Variants in SOBP observed in about 807,000 individuals in gnomAD.
The protein encoded by SOBP is sine oculis-binding protein homolog.
Under a neutral mutation model 53.6 loss-of-function variants are expected in SOBP, and 4 were observed. The observed-to-expected ratio is 0.07, with a 90% confidence interval of 0.04 to 0.17. SOBP has a LOEUF of 0.17. SOBP is among the 10% of genes least tolerant of loss of function. The probability of loss-of-function intolerance (pLI) is 1.00; values close to 1 mark genes in which losing one functional copy is unlikely to be tolerated. For missense variants in SOBP, 1,088 were observed against 1,204.7 expected (o/e 0.90, Z 1.43); for synonymous variants, 584 against 522.6 (o/e 1.12, Z -1.60).
At position 107,529,671 on chromosome 6, in the gene SOBP, GGCCATCCTT is replaced by G. The variant is rs1483318146; in HGVS notation, c.422-3787_422-3779del. The G allele has an allele frequency of 1.3e-5, 12 of 956,892 alleles. No homozygotes were observed. The South Asian group carries it at 5.3e-4, about 42-fold the overall frequency. The allele number at this position is 956,892 out of a possible 1,614,324, so 59.3% of individuals were successfully genotyped here. On this transcript the variant is annotated intron_variant, in intron 3 of 6. Coordinates refer to ENST00000317357, the MANE Select transcript of SOBP (RefSeq NM_018013.4). ...TGCCCCAAGAAGATCACTGACCAAT[GGCCATCCTT>G]ATTTTTAAAAGTCACCAGATAAGGC...
At chr6:107,622,996 CT>C (rs1770249269) in intron 5 of SOBP, among the ~76,000 whole-genome samples, 1 of 152,194 alleles carries the variant, frequency 6.6e-6, no homozygotes, top group South Asian at 2.1e-4. Context: ...GGGAATCCTA[CT>C]TTGACCACCA....
At chr6:107,640,466 G>A (rs987676171) in intron 6 of SOBP, among the ~76,000 whole-genome samples, 4 of 152,172 alleles carry the variant, frequency 2.6e-5, no homozygotes, top group African/African-American at 7.2e-5. Flanking sequence ...ATAGTTCTAG[G>A]TAGAGGTACT....
At chr6:107,593,024 C>T (rs1341317310) in intron 5 of SOBP, among the ~76,000 whole-genome samples, 1 of 152,206 alleles carries the variant, frequency 6.6e-6, no homozygotes, top group Non-Finnish European at 1.5e-5. Flanking sequence ...CTGCACATTC[C>T]TCTGTTCCCA....
intron 1 of SOBP, among the ~76,000 whole-genome samples, chr6:107,491,006 T>C (rs893260212): frequency 6.6e-6 from 1 of 151,986 alleles, no homozygotes; most frequent in African/African-American, 2.4e-5. Flanking sequence ...TCGAGCGGCG[T>C]TGGGCAGGGG....
At chr6:107,565,790 A>T (rs867658234) in intron 4 of SOBP, among the ~76,000 whole-genome samples, 14 of 152,238 alleles carry the variant, frequency 9.2e-5, no homozygotes, top group African/African-American at 3.4e-4. Flanking sequence ...CAGTTTCAGC[A>T]CCTTCCAAAT....
chr6:107,613,232 A>G (rs1195982686), intron 5 of SOBP, among the ~76,000 whole-genome samples: 2 of 152,220 alleles, frequency 1.3e-5, no homozygotes, highest in Non-Finnish European at 2.9e-5. Flanking sequence ...CCAGGGGTCA[A>G]GGCTGTAGCC....
At chr6:107,496,653 G>A (rs998739445) in intron 1 of SOBP, among the ~76,000 whole-genome samples, 30 of 152,236 alleles carry the variant, frequency 2.0e-4, no homozygotes, top group South Asian at 8.3e-4. Context: ...TTTCAGGCTC[G>A]AAAGCTGTAG....
intron 4 of SOBP, among the ~76,000 whole-genome samples, chr6:107,537,772 A>G (rs1398085330): frequency 6.6e-6 from 1 of 150,702 alleles, no homozygotes; most frequent in Non-Finnish European, 1.5e-5. Context: ...GTGAGCCATG[A>G]CTGTGCCATT....
intron 1 of SOBP, among the ~76,000 whole-genome samples, chr6:107,493,416 G>A (rs1167039784): frequency 1.3e-5 from 2 of 152,174 alleles, no homozygotes; most frequent in African/African-American, 2.4e-5. Flanking sequence ...CTTGAAGGTA[G>A]GGGAAATGAA....
At chr6:107,559,675 C>T (rs1188357430) in intron 4 of SOBP, among the ~76,000 whole-genome samples, 2 of 152,164 alleles carry the variant, frequency 1.3e-5, no homozygotes, top group African/African-American at 2.4e-5. Flanking sequence ...CTAAATTTGT[C>T]ATGGTTGGAG....
chr6:107,611,108 T>C (rs1037942918), intron 5 of SOBP, among the ~76,000 whole-genome samples: 3 of 152,242 alleles, frequency 2.0e-5, no homozygotes, highest in African/African-American at 7.2e-5. Context: ...CCTTTACTTC[T>C]GAAGGTCAAA....
At chr6:107,548,668 G>A (rs1020453721) in intron 4 of SOBP, among the ~76,000 whole-genome samples, 4 of 152,166 alleles carry the variant, frequency 2.6e-5, no homozygotes, top group Non-Finnish European at 5.9e-5. Context: ...TGGGTGCAGA[G>A]GCTCACATCT....
chr6:107,587,224 T>G (rs970996353), intron 5 of SOBP, 49 bp downstream of exon 5: 1 of 1,485,974 alleles, frequency 6.7e-7, no homozygotes, highest in Non-Finnish European at 9.4e-7. Flanking sequence ...TTTAGCACAG[T>G]GAAAACAGTT....
At chr6:107,510,002 T>C (rs1340185608) in intron 3 of SOBP, 1 of 152,240 alleles carries the variant, frequency 6.6e-6, no homozygotes, top group East Asian at 1.9e-4. Context: ...GAGCTTATTC[T>C]CTTAGTTACC....
chr6:107,560,030 A>G (rs192425807), intron 4 of SOBP, among the ~76,000 whole-genome samples: 5 of 152,338 alleles, frequency 3.3e-5, no homozygotes, highest in African/African-American at 4.8e-5. Flanking sequence ...GAGGGAGCCC[A>G]GAAAAAGACA....
intron 4 of SOBP, among the ~76,000 whole-genome samples, chr6:107,579,508 G>T (rs778969990): frequency 7.2e-5 from 11 of 152,188 alleles, no homozygotes; most frequent in Non-Finnish European, 1.5e-4. Context: ...GTTTTAATGT[G>T]CTGGGATGAA....
intron 4 of SOBP, among the ~76,000 whole-genome samples, chr6:107,547,053 A>G (rs768934802): frequency 3.9e-5 from 6 of 152,220 alleles, no homozygotes; most frequent in Non-Finnish European, 2.9e-5. Flanking sequence ...TTGGCAGTAG[A>G]TGACAGGAAG....
intron 4 of SOBP, among the ~76,000 whole-genome samples, chr6:107,567,085 A>C (rs773426652): frequency 2.6e-5 from 4 of 152,216 alleles, no homozygotes; most frequent in Non-Finnish European, 5.9e-5. Context: ...GCTGGACATC[A>C]AGGGTGATCA....
At chr6:107,524,658 G>A (rs538156716) in intron 3 of SOBP, among the ~76,000 whole-genome samples, 1 of 152,216 alleles carries the variant, frequency 6.6e-6, no homozygotes, top group Non-Finnish European at 1.5e-5. Flanking sequence ...AGTAGGTGTT[G>A]GTCAATGTGC....
Sources: allele counts gnomAD v4.1 joint callset (sites outside exome capture counted in the v4.1 genomes callset), GRCh38; gene constraint gnomAD v4.1.1; transcripts MANE v1.5; gene names NCBI Gene and HGNC (gene_info 2026-07-23, HGNC 2026-07-21).